Variants in PER3 observed in about 807,000 individuals in gnomAD.
PER3 encodes period circadian regulator 3.
PER3 carries 107 observed loss-of-function variants against 127.2 expected under a neutral mutation model. The ratio of observed to expected loss-of-function variants is 0.84; its 90% CI spans 0.72 to 0.99. The LOEUF (loss-of-function observed/expected upper bound fraction) is 0.99, where lower values mean the gene tolerates loss of function less well. PER3 is among the 50% of genes least tolerant of loss of function. The pLI is 0.00. For synonymous variants in PER3, 618 were observed against 585.8 expected (o/e 1.05, Z -0.79); for missense variants, 1,560 against 1,525.8 (o/e 1.02, Z -0.37).
At chr1:7,834,254 T>C (rs2097347013) in intron 19 of PER3, among the ~76,000 whole-genome samples, 1 of 152,084 alleles carries the variant, frequency 6.6e-6, no homozygotes, top group Non-Finnish European at 1.5e-5. Flanking sequence ...CTTTTACTTA[T>C]CACAGTTTAC....
At position 7,836,914 on chromosome 1, in the gene PER3, CAAG is replaced by C. The variant is rs374876973; in HGVS notation, c.3399-78_3399-76del. ...AGAAAATGTAAGGTGTATTACCAAC[CAAG>C]AAGAAGTGCTATTCCTAGATGACGG... On this transcript the variant is annotated intron_variant, in intron 20 of 21. Transcript: ENST00000377532. 1,143 of 1,029,312 alleles carry C rather than the reference CAAG, an allele frequency of 1.1e-3. 9 individuals are homozygous for C. The African/African-American group carries it at 0.015, about 14-fold the overall frequency. The allele number at this position is 1,029,312 out of a possible 1,614,324, so 63.8% of individuals were successfully genotyped here.
At chr1:7,820,678 C>T in intron 16 of PER3, 38 bp downstream of exon 16, 2 of 1,523,460 alleles carry the variant, frequency 1.3e-6, no homozygotes, top group African/African-American at 1.4e-5. Context: ...ATATACTCAA[C>T]TTTAACTACA....
intron 5 of PER3, among the ~76,000 whole-genome samples, chr1:7,792,669 G>A (rs2097127389): frequency 6.6e-6 from 1 of 152,136 alleles, no homozygotes; most frequent in Admixed American, 6.5e-5. Context: ...ACATCAAGAG[G>A]ACTTAGGAAG....
In PER3 at chr1:7,809,995, C is replaced by T. The variant is rs765448875; in HGVS notation, c.1345C>T (p.Arg449Cys). ...IASSSEASGH[R>C]VEETKAEQMT... ...CTCCTCCAGTGAGGCCAGTGGGCAC[C>T]GTGTGGAGGAGACGAAGGCGGAGCA... is the stretch of plus-strand genomic sequence containing the variant. Residue 449 changes from arginine (R) to cysteine (C), a missense_variant, in exon 12 of 22, where the codon CGT (arginine) becomes TGT (cysteine). Physicochemically the swap from Arg to Cys is radical, Grantham distance 180 (BLOSUM62 -3). Transcript: ENST00000377532. 4.3e-6 allele frequency: 7 copies of T among 1,613,738 alleles called. No individual in the cohort carries two copies. Among genetic ancestry groups the T allele is most frequent in the African/African-American group, 4.0e-5 (3 of 74,894 alleles).
At chr1:7,819,184 T>C (rs1041849061) in intron 13 of PER3, 101 bp from the exon 14 acceptor site, 73 of 937,428 alleles carry the variant, frequency 7.8e-5, no homozygotes, top group Non-Finnish European at 6.6e-5. Context: ...TCTGTTGATA[T>C]ATACATGATA....
chr1:7,788,504 A>G (rs940571018), intron 5 of PER3: 1 of 409,086 alleles, frequency 2.4e-6, no homozygotes, highest in Non-Finnish European at 4.4e-6. Context: ...AGCGTATTGT[A>G]TAGTGGTTTA....
Position 7,787,973 on chromosome 1 carries a change from G to A in PER3, c.391-72G>A, listed in dbSNP as rs371175980. The A allele has an allele frequency of 9.3e-5, 106 of 1,141,716 alleles. No homozygotes were observed. The East Asian group carries it at 1.7e-3, about 18-fold the overall frequency. The allele number at this position is 1,141,716 out of a possible 1,614,324, so 70.7% of individuals were successfully genotyped here. ...TACTGGTCATGTTAGAGATCCAGAA[G>A]AAATTTACCTTTCAGGGAATATTGC... On this transcript the variant is annotated intron_variant, in intron 4 of 21. Transcript: ENST00000377532.
intron 19 of PER3, among the ~76,000 whole-genome samples, chr1:7,834,778 G>A (rs2151252345): frequency 6.6e-6 from 1 of 152,114 alleles, no homozygotes; most frequent in African/African-American, 2.4e-5. Flanking sequence ...TTTTAATGAG[G>A]AAAATTTTTT....
chr1:7,799,260 C>G (rs560961), intron 7 of PER3, among the ~76,000 whole-genome samples: 77,989 of 151,868 alleles, frequency 0.51, 21,312 homozygotes, highest in Middle Eastern at 0.69. Flanking sequence ...TTTAGGAGCA[C>G]AAAACTCAAA....
intron 4 of PER3, chr1:7,787,431 G>A: frequency 2.3e-6 from 1 of 439,642 alleles, no homozygotes; most frequent in Non-Finnish European, 4.5e-6. Context: ...GCAATCCCTA[G>A]TATTATAACA....
rs2097101398 is a variant in PER3, at chr1:7,788,233, C to T, written c.579C>T (p.Asn193=). The T allele has an allele frequency of 3.7e-6, 6 of 1,613,008 alleles. No homozygotes were observed. The highest frequency in any genetic ancestry group is 1.3e-5 in the African/African-American group (1 of 75,008). ...TARAQLPFWN[N]WTQRAAARYE... ...GAGCTCAGCTTCCTTTCTGGAACAACTGGACCCAAAGAGGTAACAGGACCA... is the reference window on the plus strand; with the variant it reads ...GAGCTCAGCTTCCTTTCTGGAACAATTGGACCCAAAGAGGTAACAGGACCA... The change falls in exon 5 of 22, where the codon AAC becomes AAT. Residue 193 remains asparagine, a synonymous_variant. Transcript: ENST00000377532.
In PER3 at chr1:7,844,050, T is replaced by C; in HGVS notation, c.*1295T>C. 1 of 1,004,084 alleles carries C rather than the reference T, an allele frequency of 1.0e-6. No individual in the cohort carries two copies. Among genetic ancestry groups the C allele is most frequent in the Non-Finnish European group, 1.3e-6 (1 of 798,802 alleles). The allele number at this position is 1,004,084 out of a possible 1,614,324, so 62.2% of individuals were successfully genotyped here. On this transcript the variant is annotated 3_prime_UTR_variant, in exon 22 of 22. Coordinates refer to ENST00000377532, the MANE Select transcript of PER3 (RefSeq NM_001377275.1). ...ACTAATTTATTTTTTTTTCCTTTTT[T>C]TGTTTTTGGTTTTTTATGGTTTTTT...
rs555771796 is a variant in PER3 at position 7,842,661 on chromosome 1, C to CT, written c.3550-5dup. On this transcript the variant is annotated splice_polypyrimidine_tract_variant and intron_variant, in intron 21 of 21. Transcript: ENST00000377532. ...CATCAAGTAACTCGCCTGCTTTGTTCTTTTTTGGAGGCCTGTGTCACTTGT... is the reference window on the plus strand; with the variant it reads ...CATCAAGTAACTCGCCTGCTTTGTTCTTTTTTTGGAGGCCTGTGTCACTTGT... 278 of 1,612,684 alleles carry CT rather than the reference C, an allele frequency of 1.7e-4. 3 individuals are homozygous for CT. The East Asian group carries it at 5.5e-3, about 32-fold the overall frequency.
At chr1:7,816,801 T>C (rs895859497) in intron 13 of PER3, among the ~76,000 whole-genome samples, 1 of 152,220 alleles carries the variant, frequency 6.6e-6, no homozygotes, top group Non-Finnish European at 1.5e-5. Context: ...CCATGTAACT[T>C]AGCAATTCTA....
rs900748394 is a variant in PER3 at position 7,784,833 on chromosome 1, T to C, written c.-45T>C. The stretch of plus-strand genomic sequence containing the variant: ...ACTGCAAAGTGAGCGAGAAGCAGGC[T>C]GCGGGCCGTCCCAGCACGACGTGGA... On this transcript the variant is annotated 5_prime_UTR_variant, in exon 2 of 22. Coordinates refer to ENST00000377532, the MANE Select transcript of PER3 (RefSeq NM_001377275.1). 2.1e-6 allele frequency: 3 copies of C among 1,412,886 alleles called. No homozygotes were observed. The highest frequency in any genetic ancestry group is 9.2e-7 in the Non-Finnish European group (1 of 1,091,554). 87.5% of individuals were successfully genotyped at this position (1,412,886 alleles called of 1,614,324 possible).
chr1:7,832,318 GT>G (rs1258491106), intron 19 of PER3, among the ~76,000 whole-genome samples: 2 of 143,402 alleles, frequency 1.4e-5, no homozygotes, highest in African/African-American at 2.6e-5. Context: ...TCTCATTGGG[GT>G]TTTTTTTCCT....
chr1:7,842,091 C>T (rs1217615470), intron 21 of PER3, among the ~76,000 whole-genome samples: 1 of 152,028 alleles, frequency 6.6e-6, no homozygotes, highest in African/African-American at 2.4e-5. Context: ...AGAAAAGGTA[C>T]CATAAAAATG....
In PER3 at chr1:7,784,804, A is replaced by T. The variant is rs1191958578; in HGVS notation, c.-74A>T. 5.1e-6 allele frequency: 7 copies of T among 1,369,520 alleles called. No homozygotes were observed. The highest frequency in any genetic ancestry group is 2.6e-4 in the Middle Eastern group (1 of 3,790). 84.8% of individuals were successfully genotyped at this position (1,369,520 alleles called of 1,614,324 possible). On this transcript the variant is annotated 5_prime_UTR_variant, in exon 2 of 22. Transcript: ENST00000377532. ...CCGGAGTGAGAAACCGGTGTCTGTC[A>T]CTGACTGCAAAGTGAGCGAGAAGCA... is the stretch of plus-strand genomic sequence containing the variant.
intron 5 of PER3, among the ~76,000 whole-genome samples, chr1:7,791,897 T>C (rs1427527512): frequency 2.6e-5 from 4 of 152,182 alleles, no homozygotes; most frequent in African/African-American, 9.7e-5. Flanking sequence ...TCCATATCAC[T>C]ATCAGCATTT....
Sources: allele counts gnomAD v4.1 joint callset (sites outside exome capture counted in the v4.1 genomes callset), GRCh38; gene constraint gnomAD v4.1.1; transcripts MANE v1.5; gene names NCBI Gene and HGNC (gene_info 2026-07-23, HGNC 2026-07-21).